Variants in GRID2 observed in about 807,000 individuals in gnomAD.
GRID2 encodes the protein glutamate ionotropic receptor delta type subunit 2, also known as glutamate receptor ionotropic, delta-2.
A neutral mutation model predicts 114.8 loss-of-function variants in GRID2; 33 were observed. That is an observed-to-expected ratio of 0.29 (90% CI 0.22 to 0.38). The LOEUF (loss-of-function observed/expected upper bound fraction) is 0.38, where lower values mean the gene tolerates loss of function less well. Ranked by LOEUF, GRID2 falls within the 10% of genes least tolerant of loss-of-function variation. The probability of loss-of-function intolerance (pLI) is 1.00; values close to 1 mark genes in which losing one functional copy is unlikely to be tolerated. For synonymous variants in GRID2, 505 were observed against 449.9 expected (o/e 1.12, Z -1.55); for missense variants, 1,184 against 1,257.7 (o/e 0.94, Z 0.89).
intron 2 of GRID2, among the ~76,000 whole-genome samples, chr4:92,966,716 G>A (rs2149164599): frequency 6.6e-6 from 1 of 151,982 alleles, no homozygotes; most frequent in South Asian, 2.1e-4. Flanking sequence ...CCATGATTGT[G>A]AGGCCTCCCC....
intron 1 of GRID2, among the ~76,000 whole-genome samples, chr4:92,513,109 G>A (rs1724336224): frequency 6.6e-6 from 1 of 151,828 alleles, no homozygotes; most frequent in African/African-American, 2.4e-5. Context: ...GGTGTGTACT[G>A]TATTCGTGTA....
intron 13 of GRID2, among the ~76,000 whole-genome samples, chr4:93,602,976 G>A (rs745836441): frequency 2.2e-4 from 33 of 152,158 alleles, no homozygotes; most frequent in Non-Finnish European, 3.7e-4. Context: ...TTGGGAGGCC[G>A]AGGCGGGCAA....
chr4:92,606,970 G>T (rs957841195), intron 2 of GRID2, among the ~76,000 whole-genome samples: 4 of 151,940 alleles, frequency 2.6e-5, no homozygotes, highest in African/African-American at 4.8e-5. Context: ...TTGCAGCAAA[G>T]GTCGACATGA....
At chr4:93,725,264 G>A (rs1172881293) in intron 14 of GRID2, among the ~76,000 whole-genome samples, 1 of 152,152 alleles carries the variant, frequency 6.6e-6, no homozygotes, top group Non-Finnish European at 1.5e-5. Context: ...ATAGTTTGCT[G>A]AGAATGATGG....
chr4:92,958,121 A>G (rs779599785), intron 2 of GRID2, among the ~76,000 whole-genome samples: 16 of 152,012 alleles, frequency 1.1e-4, no homozygotes, highest in Non-Finnish European at 1.9e-4. Flanking sequence ...TAATTCTTCT[A>G]CACCAGTAAG....
chr4:92,519,157 T>C (rs1038539456), intron 1 of GRID2, among the ~76,000 whole-genome samples: 2 of 151,888 alleles, frequency 1.3e-5, no homozygotes, highest in African/African-American at 4.8e-5. Flanking sequence ...TAATTTTAAT[T>C]ATTTATTCAA....
rs1408209798 is a variant in GRID2, at chr4:92,768,062, A to G, written c.244+177776A>G. Among the ~76,000 whole-genome samples, 3 of 152,166 alleles carry G rather than the reference A, an allele frequency of 2.0e-5. No homozygotes were observed. In the East Asian group the frequency reaches 5.8e-4, roughly 29 times the overall value. On this transcript the variant is annotated intron_variant, in intron 2 of 15. Transcript: ENST00000282020. ...AAAATTAAATATTTTCATCCTCAAT[A>G]AGACATATTGAGCAATACTAAAAGA...
In GRID2 at chr4:93,769,470, G is replaced by T; in HGVS notation, c.2601+20G>T. 6.2e-7 allele frequency: 1 copy of T among 1,612,076 alleles called. No homozygotes were observed. The highest frequency in any genetic ancestry group is 1.1e-5 in the South Asian group (1 of 91,042). On this transcript the variant is annotated intron_variant, in intron 15 of 15. Coordinates refer to ENST00000282020, the MANE Select transcript of GRID2 (RefSeq NM_001510.4). ...AAAGAGGTACTTGATTGAGAGATTT[G>T]GCTCTAAATTGAATCAACAAGCAGG...
At chr4:93,473,204 T>C (rs968136493) in intron 11 of GRID2, among the ~76,000 whole-genome samples, 5 of 152,146 alleles carry the variant, frequency 3.3e-5, no homozygotes, top group Non-Finnish European at 5.9e-5. Flanking sequence ...TATATGTTTA[T>C]ACAATTTTAA....
rs530803783 is a variant in GRID2, at chr4:93,320,499, T to G, written c.1246-75108T>G. On this transcript the variant is annotated intron_variant, in intron 8 of 15. Transcript: ENST00000282020. ...GGCATATGTGACAGCATCTACATTTTTTTAAACTTCTGTAAGTGATTTTTG... is the reference window on the plus strand; with the variant it reads ...GGCATATGTGACAGCATCTACATTTGTTTAAACTTCTGTAAGTGATTTTTG... Among the ~76,000 whole-genome samples, 22 of 152,246 alleles carry G rather than the reference T, an allele frequency of 1.4e-4. No homozygotes were observed. The East Asian group carries it at 4.1e-3, about 28-fold the overall frequency.
intron 2 of GRID2, among the ~76,000 whole-genome samples, chr4:92,779,611 A>T (rs1738974835): frequency 1.3e-5 from 2 of 152,088 alleles, no homozygotes; most frequent in Non-Finnish European, 2.9e-5. Context: ...AAGATCCAAG[A>T]TGAACCTGCA....
intron 1 of GRID2, among the ~76,000 whole-genome samples, chr4:92,564,243 A>G (rs1579588516): frequency 6.6e-6 from 1 of 152,068 alleles, no homozygotes; most frequent in East Asian, 1.9e-4. Context: ...ATTATTTTAA[A>G]TAAGGCTAAC....
chr4:92,687,916 G>A (rs990191343), intron 2 of GRID2, among the ~76,000 whole-genome samples: 14 of 151,874 alleles, frequency 9.2e-5, no homozygotes, highest in African/African-American at 3.1e-4. Context: ...GGAGGGTCAT[G>A]CCTCGATGTT....
chr4:93,015,265 A>G (rs567217536), intron 2 of GRID2, among the ~76,000 whole-genome samples: 1 of 152,238 alleles, frequency 6.6e-6, no homozygotes, highest in East Asian at 1.9e-4. Flanking sequence ...ATAGATCTAA[A>G]GAAGGGGAAA....
chr4:92,473,547 T>C (rs1416627831), intron 1 of GRID2, among the ~76,000 whole-genome samples: 1 of 152,096 alleles, frequency 6.6e-6, no homozygotes, highest in African/African-American at 2.4e-5. Context: ...AAGTTAGATG[T>C]AGGTCTTTCA....
intron 2 of GRID2, among the ~76,000 whole-genome samples, chr4:92,787,556 G>T (rs1739376616): frequency 1.3e-5 from 2 of 152,016 alleles, no homozygotes; most frequent in South Asian, 4.1e-4. Context: ...AGCAAAGACT[G>T]CAGCAGAGTG....
chr4:92,612,785 T>C (rs574428437), intron 2 of GRID2, among the ~76,000 whole-genome samples: 5 of 151,462 alleles, frequency 3.3e-5, no homozygotes, highest in Non-Finnish European at 7.4e-5. Flanking sequence ...ATCTGAAAAC[T>C]TATGGCCATG....
intron 2 of GRID2, among the ~76,000 whole-genome samples, chr4:93,047,880 AAAC>A (rs1006707303): frequency 3.0e-4 from 38 of 127,074 alleles, no homozygotes; most frequent in Non-Finnish European, 1.2e-4. Flanking sequence ...ACAAACAAAC[AAAC>A]AAAAAAAACA....
At chr4:92,761,538 A>G (rs1473324176) in intron 2 of GRID2, among the ~76,000 whole-genome samples, 2 of 152,168 alleles carry the variant, frequency 1.3e-5, no homozygotes, top group East Asian at 3.9e-4. Flanking sequence ...GTGACCAAAT[A>G]TTTTGTGTCT....
Sources: gnomAD v4.1 joint callset for allele counts (sites outside exome capture counted in the v4.1 genomes callset) on GRCh38, gnomAD v4.1.1 for gene constraint, MANE v1.5 for transcripts, NCBI Gene and HGNC (gene_info 2026-07-23, HGNC 2026-07-21) for gene names.